The following CBFA2T3 variants were observed in gnomAD, a reference collection of about 807,000 sequenced individuals.
The protein encoded by CBFA2T3 is transcriptional corepressor CBFA2T3.
In CBFA2T3, 31 loss-of-function variants were observed where a neutral mutation model predicts 58.6. The ratio of observed to expected loss-of-function variants is 0.53; its 90% CI spans 0.40 to 0.71. The LOEUF (loss-of-function observed/expected upper bound fraction) is 0.71. Ranked by LOEUF, CBFA2T3 falls within the 30% of genes least tolerant of loss-of-function variation. The pLI is 0.00. For missense variants in CBFA2T3, 1,076 were observed against 963.1 expected (o/e 1.12, Z -1.55); for synonymous variants, 531 against 421.9 (o/e 1.26, Z -3.17).
At chr16:88,975,773 C>A (rs1972843674) in intron 1 of CBFA2T3, among the ~76,000 whole-genome samples, 1 of 152,264 alleles carries the variant, frequency 6.6e-6, no homozygotes, top group Non-Finnish European at 1.5e-5. Flanking sequence ...CAGCCTCAGG[C>A]AGCCGCCGCC....
intron 11 of CBFA2T3, among the ~76,000 whole-genome samples, chr16:88,877,705 C>A (rs2142522589): frequency 6.6e-6 from 1 of 152,244 alleles, no homozygotes; most frequent in East Asian, 1.9e-4. Flanking sequence ...TGCTGCACCC[C>A]CTCCACCTCT....
intron 1 of CBFA2T3, chr16:88,941,027 G>C (rs1971705624): frequency 1.0e-6 from 1 of 984,172 alleles, no homozygotes; most frequent in Non-Finnish European, 1.2e-6. Context: ...TACGGTCGGG[G>C]GGTCCGGGGG....
chr16:88,881,180 G>A (rs750442615), intron 9 of CBFA2T3, 111 bp downstream of exon 9: 8 of 1,003,506 alleles, frequency 8.0e-6, no homozygotes, highest in Admixed American at 1.8e-5. Context: ...TCTTTCTCAA[G>A]CGAAACTGTT....
intron 1 of CBFA2T3, among the ~76,000 whole-genome samples, chr16:88,975,245 C>T (rs969335880): frequency 7.3e-5 from 10 of 137,466 alleles, no homozygotes; most frequent in African/African-American, 2.3e-4. Context: ...GTCAGAGGCC[C>T]GCCCTGACCC....
intron 1 of CBFA2T3, chr16:88,941,953 C>G (rs973742789): frequency 6.6e-6 from 1 of 151,058 alleles, no homozygotes; most frequent in Non-Finnish European, 1.5e-5. Context: ...AGCGCGGCGC[C>G]TGGCCCGGCC....
At chr16:88,924,684 C>G (rs1229099794) in intron 1 of CBFA2T3, among the ~76,000 whole-genome samples, 2 of 152,234 alleles carry the variant, frequency 1.3e-5, no homozygotes, top group Non-Finnish European at 2.9e-5. Flanking sequence ...AGGTCACTCT[C>G]GTCAGACAGC....
At chr16:88,949,915 C>G (rs1352684838) in intron 1 of CBFA2T3, among the ~76,000 whole-genome samples, 2 of 152,030 alleles carry the variant, frequency 1.3e-5, no homozygotes, top group Non-Finnish European at 2.9e-5. Context: ...GAGGCTGAGG[C>G]AGGAGAATCA....
intron 2 of CBFA2T3, among the ~76,000 whole-genome samples, chr16:88,899,106 A>C (rs1033701456): frequency 8.3e-6 from 1 of 120,482 alleles, no homozygotes; most frequent in African/African-American, 3.2e-5. Flanking sequence ...CTTCAACTCC[A>C]AGATGAATTT....
rs182745963 is a variant in CBFA2T3, at chr16:88,932,653, A to C, written c.152-30997T>G. ...TAGAGGGAGACCCCGACTATAAGTA[A>C]AGGGAAAAAAGAGGCAGGGCGCGGT... On this transcript the variant is annotated intron_variant, in intron 1 of 11. Coordinates refer to ENST00000268679, the MANE Select transcript of CBFA2T3 (RefSeq NM_005187.6). 3.0e-3 allele frequency among the ~76,000 whole-genome samples: 449 copies of C among 151,526 alleles called. 3 individuals carry two copies. The highest frequency in any genetic ancestry group is 0.01 in the African/African-American group (421 of 41,212).
rs1972538761 is a variant in CBFA2T3, at chr16:88,967,290, T to A, written c.151+9367A>T. Among the ~76,000 whole-genome samples the A allele has an allele frequency of 2.0e-5, 3 of 151,788 alleles. No individual in the cohort carries two copies. The Middle Eastern group carries it at 0.01, about 516-fold the overall frequency. ...TGCTCAATGCAGTCAGCCTCGCAGG[T>A]GTCGAGAGAGGAAATTGCAAAGGAA... On this transcript the variant is annotated intron_variant, in intron 1 of 11. Transcript: ENST00000268679.
chr16:88,934,255 G>A (rs1617734), intron 1 of CBFA2T3, among the ~76,000 whole-genome samples: 1 of 147,192 alleles, frequency 6.8e-6, no homozygotes, highest in South Asian at 2.1e-4. Flanking sequence ...ATGGAGGCAC[G>A]GGCGAGAAGG....
intron 1 of CBFA2T3, among the ~76,000 whole-genome samples, chr16:88,913,362 C>T (rs1465527173): frequency 6.6e-6 from 1 of 152,264 alleles, no homozygotes; most frequent in Non-Finnish European, 1.5e-5. Flanking sequence ...CTTGCCAAAA[C>T]TGCCAACCTA....
chr16:88,875,651 C>T lies in CBFA2T3; in HGVS notation c.*1325G>A, dbSNP rs531249691. ...GGGGGCCGAGAGAGGTCGGAGGGCG[C>T]GGAGAGGAGAGAGGTAGAGGAGGAC... On this transcript the variant is annotated 3_prime_UTR_variant, in exon 12 of 12. Transcript: ENST00000268679. 6.0e-5 allele frequency: 14 copies of T among 233,486 alleles called. No homozygotes were observed. The highest frequency in any genetic ancestry group is 2.2e-4 in the African/African-American group (10 of 45,314). The allele number at this position is 233,486 out of a possible 1,614,324, so 14.5% of individuals were successfully genotyped here.
intron 11 of CBFA2T3, among the ~76,000 whole-genome samples, chr16:88,878,338 T>C (rs1968920135): frequency 6.6e-6 from 1 of 152,138 alleles, no homozygotes; most frequent in African/African-American, 2.4e-5. Context: ...CCTGAATCGA[T>C]GGGGCTCCAT....
At position 88,896,098 on chromosome 16, in the gene CBFA2T3, C is replaced by T. The variant is rs565746287; in HGVS notation, c.379+1980G>A. ...CTCCATCCTGACTGGTTTTATGGGT[C>T]GGGTGTTGTGTGAGGCTGTTGGCAA... On this transcript the variant is annotated intron_variant, in intron 3 of 11. Transcript: ENST00000268679. Among the ~76,000 whole-genome samples, 12 of 152,306 alleles carry T rather than the reference C, an allele frequency of 7.9e-5. 1 individual carries two copies. The highest frequency in any genetic ancestry group is 4.6e-4 in the Admixed American group (7 of 15,298).
intron 3 of CBFA2T3, among the ~76,000 whole-genome samples, chr16:88,897,172 C>T (rs1370706045): frequency 1.3e-5 from 2 of 152,232 alleles, no homozygotes; most frequent in Non-Finnish European, 2.9e-5. Context: ...CTTTGCCATC[C>T]ATAAGATCAC....
Position 88,874,974 on chromosome 16 carries a change from C to G in CBFA2T3, c.*2002G>C. ...AACGTACACGCTCAGCTTCAGGCCT[C>G]TGGCGGGCTGTTCGTGGCTGGTTCA... On this transcript the variant is annotated 3_prime_UTR_variant, in exon 12 of 12. Transcript: ENST00000268679. The G allele has an allele frequency of 8.6e-6, 2 of 233,672 alleles. No individual in the cohort carries two copies. The highest frequency in any genetic ancestry group is 1.2e-4 in the East Asian group (2 of 16,590). 14.5% of individuals were successfully genotyped at this position (233,672 alleles called of 1,614,324 possible).
intron 1 of CBFA2T3, among the ~76,000 whole-genome samples, chr16:88,944,617 C>T (rs1202884467): frequency 6.6e-6 from 1 of 152,232 alleles, no homozygotes; most frequent in Admixed American, 6.5e-5. Context: ...ATCCTGATCC[C>T]CCTCCCCAAA....
chr16:88,887,867 G>A (rs1456599339), intron 5 of CBFA2T3, among the ~76,000 whole-genome samples: 1 of 152,140 alleles, frequency 6.6e-6, no homozygotes, highest in Non-Finnish European at 1.5e-5. Context: ...CTGGGGAACT[G>A]GTGTTTGCAA....
Sources: gnomAD v4.1 joint callset for allele counts (sites outside exome capture counted in the v4.1 genomes callset) on GRCh38, gnomAD v4.1.1 for gene constraint, MANE v1.5 for transcripts, NCBI Gene and HGNC (gene_info 2026-07-23, HGNC 2026-07-21) for gene names.